Variants in MINK1 observed in about 807,000 individuals in gnomAD.
MINK1 encodes the protein misshapen like kinase 1.
In MINK1, 46 loss-of-function variants were observed where a neutral mutation model predicts 178.4. The ratio of observed to expected loss-of-function variants is 0.26; its 90% CI spans 0.20 to 0.33. The LOEUF (loss-of-function observed/expected upper bound fraction) is 0.33, where lower values mean the gene tolerates loss of function less well. MINK1 is among the 10% of genes least tolerant of loss of function. The pLI, the probability that MINK1 is intolerant of heterozygous loss-of-function variation, is 1.00. For synonymous variants in MINK1, 797 were observed against 709.7 expected (o/e 1.12, Z -1.96); for missense variants, 1,366 against 1,814.9 (o/e 0.75, Z 4.49).
chr17:4,868,530 G>A (rs1331335890), intron 1 of MINK1, among the ~76,000 whole-genome samples: 1 of 152,016 alleles, frequency 6.6e-6, no homozygotes, highest in Non-Finnish European at 1.5e-5. Flanking sequence ...TCTGTGCCTG[G>A]TGTATTTCAC....
chr17:4,862,529 C>T (rs1407999600), intron 1 of MINK1, among the ~76,000 whole-genome samples: 1 of 152,042 alleles, frequency 6.6e-6, no homozygotes, highest in Non-Finnish European at 1.5e-5. Context: ...GTGGCGGGCA[C>T]CTGTAATCCT....
Position 4,892,496 on chromosome 17 carries a change from C to T in MINK1, c.2182C>T (p.Pro728Ser). 6.4e-7 allele frequency: 1 copy of T among 1,559,780 alleles called. No individual in the cohort carries two copies. Among genetic ancestry groups the T allele is most frequent in the Non-Finnish European group, 8.7e-7 (1 of 1,151,766 alleles). Reference protein sequence around the residue: ...PPGPPAQPPGPPNASSNPDLR... With the variant: ...PPGPPAQPPGSPNASSNPDLR... ...AGGGCCCCCTGCTCAGCCCCCTGGC[C>T]CGCCCAACGCCTCTAGGTAATAGAG... Residue 728 changes from proline to serine, a missense_variant, in exon 18 of 32, where the codon CCG becomes TCG. Transcript: ENST00000355280.
At chr17:4,849,636 G>A (rs537408668) in intron 1 of MINK1, among the ~76,000 whole-genome samples, 9 of 152,186 alleles carry the variant, frequency 5.9e-5, no homozygotes, top group South Asian at 2.1e-4. Flanking sequence ...GCAATGGTGC[G>A]ATCTTGGCTC....
At chr17:4,884,767 G>T in intron 5 of MINK1, 145 bp from the exon 6 acceptor site, 2 of 717,556 alleles carry the variant, frequency 2.8e-6, no homozygotes, top group Admixed American at 2.4e-5. Flanking sequence ...AGCTCAGCTT[G>T]CTTGGGCTCC....
chr17:4,844,171 T>C (rs1910657898), intron 1 of MINK1, among the ~76,000 whole-genome samples: 1 of 151,984 alleles, frequency 6.6e-6, no homozygotes, highest in South Asian at 2.1e-4. Context: ...TGGCTAATTT[T>C]TGTATTTTTA....
chr17:4,875,052 T>A, intron 1 of MINK1: 1 of 520,088 alleles, frequency 1.9e-6, no homozygotes, highest in South Asian at 1.4e-5. Context: ...TCTCCCTCCT[T>A]CTCAGAAAGA....
At position 4,894,073 on chromosome 17, in the gene MINK1, G is replaced by A. The variant is rs201290530; in HGVS notation, c.2650G>A (p.Gly884Ser). 133 of 1,587,388 alleles carry A rather than the reference G, an allele frequency of 8.4e-5. No individual in the cohort carries two copies. Among genetic ancestry groups the A allele is most frequent in the African/African-American group, 1.2e-4 (9 of 74,080 alleles). Reference protein sequence around the residue: ...ITGTQPPYGGGTMVVQRTPEE... With the variant: ...ITGTQPPYGGSTMVVQRTPEE... ...CGGGACCCAGCCCCCATACGGGGGCGGCACCATGGTGGTCCAGCGCGTGAG... is the reference window on the plus strand; with the variant it reads ...CGGGACCCAGCCCCCATACGGGGGCAGCACCATGGTGGTCCAGCGCGTGAG... The change falls in exon 22 of 32, where the codon GGC (glycine) becomes AGC (serine). Residue 884 changes from glycine to serine, a missense_variant. Gly to Ser is a moderately conservative substitution (Grantham distance 56). Transcript: ENST00000355280. This position sits in a 1 kb window ranked among gnomAD's most constrained non-coding sequence, Gnocchi z 4.1.
intron 1 of MINK1, among the ~76,000 whole-genome samples, chr17:4,876,091 G>A (rs1024077936): frequency 7.2e-5 from 11 of 152,114 alleles, no homozygotes; most frequent in South Asian, 2.1e-4. Context: ...CACCGCGCCC[G>A]GCCAAGATTT....
rs1043782066 is a variant in MINK1 at position 4,887,437 on chromosome 17, G to T, written c.1020-143G>T. ...GACTGAAGACTGGGCAGAAGGGGAC[G>T]GTAAGTCTCCTGGCCACCTGGGAGT... is the stretch of plus-strand genomic sequence containing the variant. On this transcript the variant is annotated intron_variant, in intron 11 of 31. Transcript: ENST00000355280. This position sits in a 1 kb window ranked among gnomAD's most constrained non-coding sequence, Gnocchi z 7.6. The T allele has an allele frequency of 6.7e-5, 54 of 809,744 alleles. No individual in the cohort carries two copies. The East Asian group carries it at 1.5e-3, about 22-fold the overall frequency. The allele number at this position is 809,744 out of a possible 1,614,324, so 50.2% of individuals were successfully genotyped here. A position where few individuals can be genotyped will look rare whatever the true frequency, so the allele number is the denominator to read the frequency against.
At chr17:4,874,562 T>A (rs1208904736) in intron 1 of MINK1, among the ~76,000 whole-genome samples, 1 of 152,016 alleles carries the variant, frequency 6.6e-6, no homozygotes, top group African/African-American at 2.4e-5. Context: ...TCTGAGTTGG[T>A]GGACAAGCCA....
At chr17:4,849,896 C>A (rs1205346915) in intron 1 of MINK1, among the ~76,000 whole-genome samples, 2 of 152,108 alleles carry the variant, frequency 1.3e-5, no homozygotes, top group Non-Finnish European at 2.9e-5. Context: ...ACATCACTTC[C>A]TTAGCGAGCC....
intron 1 of MINK1, among the ~76,000 whole-genome samples, chr17:4,867,930 C>T (rs1211390882): frequency 6.6e-6 from 1 of 151,794 alleles, no homozygotes; most frequent in Non-Finnish European, 1.5e-5. Flanking sequence ...TCCATTACCT[C>T]AAACGCTTAT....
intron 1 of MINK1, among the ~76,000 whole-genome samples, chr17:4,864,673 C>T (rs527437439): frequency 1.3e-5 from 2 of 151,776 alleles, no homozygotes; most frequent in African/African-American, 2.4e-5. Flanking sequence ...TGCAGTGAGC[C>T]GAGATCGCAC....
Position 4,833,676 on chromosome 17 carries a change from T to A in MINK1, c.57+36T>A. On this transcript the variant is annotated intron_variant, in intron 1 of 31. Transcript: ENST00000355280. The surrounding 1 kb of genome is among the most constrained non-coding windows in gnomAD (Gnocchi z 4.8). ...CGTCCCCCAGCCTCGCCCTGGTTCC[T>A]GTCCCCGCCGCAGGGGAGGGAGCGG... is the stretch of plus-strand genomic sequence containing the variant. 6.8e-7 allele frequency: 1 copy of A among 1,460,430 alleles called. No homozygotes were observed. The highest frequency in any genetic ancestry group is 9.0e-7 in the Non-Finnish European group (1 of 1,107,536). 90.5% of individuals were successfully genotyped at this position (1,460,430 alleles called of 1,614,324 possible). A position where few individuals can be genotyped will look rare whatever the true frequency, so the allele number is the denominator to read the frequency against.
intron 13 of MINK1, 78 bp downstream of exon 13, chr17:4,889,841 C>A (rs1968600756): frequency 3.0e-6 from 3 of 994,174 alleles, no homozygotes; most frequent in African/African-American, 1.8e-5. Context: ...CCGTGCCCTT[C>A]CCCCTTCTCT....
intron 1 of MINK1, chr17:4,868,885 A>G (rs1187291413): frequency 3.2e-6 from 1 of 311,182 alleles, no homozygotes; most frequent in Non-Finnish European, 6.6e-6. Context: ...AAGTAGCTGG[A>G]AGCACAGGTG....
At chr17:4,853,968 C>T (rs1355837445) in intron 1 of MINK1, among the ~76,000 whole-genome samples, 1 of 152,120 alleles carries the variant, frequency 6.6e-6, no homozygotes, top group Non-Finnish European at 1.5e-5. Flanking sequence ...TGGGGCTGCC[C>T]TTCCAGGCCT....
intron 1 of MINK1, among the ~76,000 whole-genome samples, chr17:4,844,338 C>T (rs771804399): frequency 3.3e-5 from 5 of 152,160 alleles, no homozygotes; most frequent in African/African-American, 4.8e-5. Flanking sequence ...ATTTCTGTGA[C>T]TTATGGTAAA....
rs202044689 is a variant in MINK1 at position 4,887,060 on chromosome 17, G to A, written c.950-50G>A. The A allele has an allele frequency of 4.3e-5, 66 of 1,541,020 alleles. No homozygotes were observed. The African/African-American group carries it at 7.2e-4, about 17-fold the overall frequency. ...CCCACCCAAGGTTTCCCTAGCCCACGGCGGGTCTGGGGCGCTGGGTGAGAT... is the reference window on the plus strand; with the variant it reads ...CCCACCCAAGGTTTCCCTAGCCCACAGCGGGTCTGGGGCGCTGGGTGAGAT... On this transcript the variant is annotated intron_variant, in intron 10 of 31. Transcript: ENST00000355280. The surrounding 1 kb of genome is among the most constrained non-coding windows in gnomAD (Gnocchi z 7.6).
Sources: allele counts gnomAD v4.1 joint callset (sites outside exome capture counted in the v4.1 genomes callset), GRCh38; gene constraint gnomAD v4.1.1; non-coding constraint Gnocchi (gnomAD v3.1); transcripts MANE v1.5; gene names NCBI Gene and HGNC (gene_info 2026-07-23, HGNC 2026-07-21).